COL15A1: variants seen among roughly 807,000 people sequenced by gnomAD.
COL15A1 encodes the protein collagen type XV alpha 1 chain.
A neutral mutation model predicts 165.9 loss-of-function variants in COL15A1; 111 were observed. The observed-to-expected ratio is 0.67, with a 90% CI of 0.57 to 0.78. COL15A1 has a LOEUF of 0.78. COL15A1 is among the 30% of genes least tolerant of loss of function. COL15A1 has a pLI of 0.00. For missense variants in COL15A1, 1,745 were observed against 1,789.7 expected (o/e 0.98, Z 0.45); for synonymous variants, 659 against 674.8 (o/e 0.98, Z 0.36).
intron 35 of COL15A1, among the ~76,000 whole-genome samples, chr9:99,058,482 A>G (rs1298800027): frequency 2.6e-5 from 4 of 152,190 alleles, no homozygotes; most frequent in Admixed American, 6.5e-5. Context: ...GAGTAGGACT[A>G]CAGGAGGTGG....
At chr9:99,045,701 C>T (rs1290336169) in intron 26 of COL15A1, among the ~76,000 whole-genome samples, 2 of 152,208 alleles carry the variant, frequency 1.3e-5, no homozygotes, top group Non-Finnish European at 2.9e-5. Flanking sequence ...GCCCATGTGA[C>T]ACAGCTTGTA....
rs780750702 is a variant in COL15A1 at position 99,062,014 on chromosome 9, A to T, written c.3446A>T (p.His1149Leu). The change falls in exon 37 of 42, where the codon CAT (histidine) becomes CTT (leucine). Residue 1149 changes from histidine (H) to leucine (L), a missense_variant. His to Leu is a moderately conservative substitution (Grantham distance 99, BLOSUM62 -3). Transcript: ENST00000375001. ...ATGGATGACATGCTGCAGAAAGCGC[A>T]TTTGGTTATAGAAGGAACATTCATC... is the stretch of plus-strand genomic sequence containing the variant. ...SNMDDMLQKA[H>L]LVIEGTFIYL... 6.2e-7 allele frequency: 1 copy of T among 1,613,906 alleles called. No individual in the cohort carries two copies. Among genetic ancestry groups the T allele is most frequent in the East Asian group, 2.2e-5 (1 of 44,892 alleles).
chr9:98,998,340 A>T (rs1588508055), intron 6 of COL15A1, among the ~76,000 whole-genome samples: 1 of 152,204 alleles, frequency 6.6e-6, no homozygotes, highest in East Asian at 1.9e-4. Context: ...TAACAACTAA[A>T]TTTGGGGAGT....
chr9:99,041,544 G>A (rs1036667614), intron 23 of COL15A1, among the ~76,000 whole-genome samples: 63 of 152,182 alleles, frequency 4.1e-4, no homozygotes, highest in Non-Finnish European at 8.8e-5. Flanking sequence ...AAGCAATGGA[G>A]GAGTGCAGAG....
chr9:98,952,890 A>G (rs1837714306), intron 2 of COL15A1, among the ~76,000 whole-genome samples: 2 of 152,194 alleles, frequency 1.3e-5, no homozygotes, highest in Admixed American at 1.3e-4. Context: ...TTGTGCTAAT[A>G]TGTGTATGTC....
intron 2 of COL15A1, among the ~76,000 whole-genome samples, chr9:98,984,436 G>A (rs1838277506): frequency 6.6e-6 from 1 of 152,194 alleles, no homozygotes; most frequent in Non-Finnish European, 1.5e-5. Flanking sequence ...ATAGCCTCTG[G>A]GGTCAGATGC....
chr9:99,029,319 T>C (rs1444764307), intron 16 of COL15A1, among the ~76,000 whole-genome samples: 2 of 152,250 alleles, frequency 1.3e-5, no homozygotes, highest in African/African-American at 2.4e-5. Flanking sequence ...TTGAGTAATT[T>C]CACTGAGCTG....
At chr9:99,040,720 T>C in intron 23 of COL15A1, 164 bp downstream of exon 23, 3 of 1,299,268 alleles carry the variant, frequency 2.3e-6, no homozygotes, top group Middle Eastern at 2.0e-4. Context: ...GGTTTTGCCA[T>C]GTTGCCCAGG....
intron 2 of COL15A1, among the ~76,000 whole-genome samples, chr9:98,962,548 T>G (rs1837880998): frequency 6.6e-6 from 1 of 152,160 alleles, no homozygotes; most frequent in East Asian, 1.9e-4. Flanking sequence ...ATGTTTGGAG[T>G]GGAATTCAAA....
rs1839524897 is a variant in COL15A1 at position 99,048,142 on chromosome 9, C to T, written c.2793+142C>T. The T allele has an allele frequency of 1.6e-5, 11 of 697,764 alleles. No homozygotes were observed. The South Asian group carries it at 1.6e-4, about 10-fold the overall frequency. The allele number at this position is 697,764 out of a possible 1,614,324, so 43.2% of individuals were successfully genotyped here. On this transcript the variant is annotated intron_variant, in intron 28 of 41. Coordinates refer to ENST00000375001, the MANE Select transcript of COL15A1 (RefSeq NM_001855.5). ...ACTGCCACTGCCAAAGGTCCTCCCACCCAGCCCTGTCCTTCAGCTCCCTCT... is the reference window on the plus strand; with the variant it reads ...ACTGCCACTGCCAAAGGTCCTCCCATCCAGCCCTGTCCTTCAGCTCCCTCT...
In COL15A1 at chr9:98,947,153, A is replaced by G. The variant is rs1837600447; in HGVS notation, c.100+2903A>G. ...AACTGGAAATAAAGTTAAATTCACC[A>G]TTAGCTGGTGAATAGATAAACAAAT... On this transcript the variant is annotated intron_variant, in intron 2 of 41. Coordinates refer to ENST00000375001, the MANE Select transcript of COL15A1 (RefSeq NM_001855.5). Among the ~76,000 whole-genome samples the G allele has an allele frequency of 3.3e-5, 5 of 152,374 alleles. No homozygotes were observed. The South Asian group carries it at 1.0e-3, about 32-fold the overall frequency.
chr9:98,950,704 TC>T (rs1323453622), intron 2 of COL15A1, among the ~76,000 whole-genome samples: 21 of 150,584 alleles, frequency 1.4e-4, no homozygotes, highest in Non-Finnish European at 3.1e-4. Context: ...AACCTCCACC[TC>T]CCAGGTTCAA....
At chr9:98,974,229 G>A (rs1414887558) in intron 2 of COL15A1, among the ~76,000 whole-genome samples, 3 of 152,194 alleles carry the variant, frequency 2.0e-5, no homozygotes, top group Admixed American at 2.0e-4. Context: ...GAGATGAGCA[G>A]GTGGAAGCCA....
At chr9:99,001,224 A>C (rs55687154) in intron 7 of COL15A1, among the ~76,000 whole-genome samples, 32,395 of 151,738 alleles carry the variant, frequency 0.21, 3,609 homozygotes, top group East Asian at 0.38. Context: ...CACCAATGCA[A>C]CCCCGCCCTC....
chr9:99,049,826 T>A (rs1363885151), intron 29 of COL15A1, 28 bp from the exon 30 acceptor site: 1 of 1,614,238 alleles, frequency 6.2e-7, no homozygotes, highest in Non-Finnish European at 8.5e-7. Context: ...CCTGTTGACC[T>A]CACCTCTCTT....
intron 16 of COL15A1, among the ~76,000 whole-genome samples, chr9:99,030,891 A>G (rs893486689): frequency 1.3e-5 from 2 of 152,224 alleles, no homozygotes; most frequent in Non-Finnish European, 2.9e-5. Context: ...ATCATACCCA[A>G]GAGGAGCAGA....
rs1839461657 is a variant in COL15A1, at chr9:99,044,455, C to T, written c.2575-113C>T. 4.4e-6 allele frequency: 4 copies of T among 908,604 alleles called. No homozygotes were observed. The East Asian group carries it at 7.4e-5, about 17-fold the overall frequency. The allele number at this position is 908,604 out of a possible 1,614,324, so 56.3% of individuals were successfully genotyped here. A position where few individuals can be genotyped will look rare whatever the true frequency, so the allele number is the denominator to read the frequency against. On this transcript the variant is annotated intron_variant, in intron 24 of 41. Transcript: ENST00000375001. The stretch of plus-strand genomic sequence containing the variant: ...AGGCAAGAGAAATAAATCATGGCTG[C>T]AGGACTCAGAGGTCTCTGTACAAGG...
chr9:99,069,778 C>T lies in COL15A1; in HGVS notation c.4059C>T (p.Ala1353=). Residue 1353 remains alanine, a synonymous_variant, in exon 42 of 42, where the codon GCC becomes GCT. Transcript: ENST00000375001. ...RTADTAVTGL[A]SPLSTGKILD... is the part of the protein sequence containing the mutation. ...CGGACACAGCGGTCACGGGACTTGC[C>T]TCCCCGCTGAGCACGGGGAAGATTC... The T allele has an allele frequency of 6.2e-7, 1 of 1,614,268 alleles. No homozygotes were observed.
intron 41 of COL15A1, among the ~76,000 whole-genome samples, chr9:99,069,320 G>A (rs1224591112): frequency 6.6e-6 from 1 of 152,192 alleles, no homozygotes. Flanking sequence ...TTTACTTAGG[G>A]GTGAGAATCA....
Sources: gnomAD v4.1 joint callset for allele counts (sites outside exome capture counted in the v4.1 genomes callset) on GRCh38, gnomAD v4.1.1 for gene constraint, MANE v1.5 for transcripts, NCBI Gene and HGNC (gene_info 2026-07-23, HGNC 2026-07-21) for gene names.